PDE4D: variants seen among roughly 807,000 people sequenced by gnomAD.
PDE4D encodes phosphodiesterase 4D.
Under a neutral mutation model 87.4 loss-of-function variants are expected in PDE4D, and 24 were observed. The ratio of observed to expected loss-of-function variants is 0.27; its 90% CI spans 0.20 to 0.39. The LOEUF (loss-of-function observed/expected upper bound fraction) is 0.39. Among genes scored for constraint, PDE4D ranks in the 10% least tolerant of loss-of-function variants. The pLI is 1.00. For synonymous variants in PDE4D, 384 were observed against 383.2 expected (o/e 1.00, Z -0.02); for missense variants, 714 against 1,041.0 (o/e 0.69, Z 4.32).
At chr5:60,091,322 G>A (rs1000608891) in intron 2 of PDE4D, among the ~76,000 whole-genome samples, 3 of 152,024 alleles carry the variant, frequency 2.0e-5, no homozygotes, top group African/African-American at 7.2e-5. Flanking sequence ...AGCAGAGAAG[G>A]ATATGAATAG....
intron 2 of PDE4D, among the ~76,000 whole-genome samples, chr5:60,173,829 G>T (rs1178724725): frequency 3.3e-5 from 5 of 152,030 alleles, no homozygotes; most frequent in South Asian, 4.1e-4. Context: ...CAGGGCATTG[G>T]TGGAAAGGGA....
chr5:59,592,482 G>C (rs1204981776), intron 1 of PDE4D, among the ~76,000 whole-genome samples: 2 of 152,006 alleles, frequency 1.3e-5, no homozygotes, highest in Admixed American at 6.6e-5. Context: ...TAAACACCTA[G>C]TTTCATCACC....
intron 1 of PDE4D, among the ~76,000 whole-genome samples, chr5:59,465,139 A>C (rs1428917170): frequency 6.6e-6 from 1 of 152,144 alleles, no homozygotes; most frequent in Non-Finnish European, 1.5e-5. Context: ...CCTCATCTCA[A>C]GTTACTGGCT....
intron 5 of PDE4D, among the ~76,000 whole-genome samples, chr5:59,083,985 GT>G: frequency 6.6e-6 from 1 of 151,966 alleles, no homozygotes; most frequent in South Asian, 2.1e-4. Flanking sequence ...ATCTTAATGG[GT>G]TTTTTTGGGG....
intron 5 of PDE4D, among the ~76,000 whole-genome samples, chr5:59,136,992 C>A (rs1021645957): frequency 6.6e-6 from 1 of 152,178 alleles, no homozygotes; most frequent in Non-Finnish European, 1.5e-5. Context: ...CCCAGGAAAT[C>A]CCTCAGTGCC....
intron 1 of PDE4D, among the ~76,000 whole-genome samples, chr5:59,340,090 C>T (rs1404405010): frequency 1.3e-5 from 2 of 152,138 alleles, no homozygotes; most frequent in African/African-American, 4.8e-5. Flanking sequence ...TTGATGAGCA[C>T]TTTTGCATTG....
chr5:60,151,694 T>C (rs1158397505), intron 2 of PDE4D, among the ~76,000 whole-genome samples: 2 of 152,192 alleles, frequency 1.3e-5, no homozygotes, highest in African/African-American at 2.4e-5. Flanking sequence ...CCAAGAGAAA[T>C]AGTTTTACTT....
chr5:59,516,853 A>G (rs1030289854), intron 1 of PDE4D, among the ~76,000 whole-genome samples: 3 of 152,170 alleles, frequency 2.0e-5, no homozygotes, highest in African/African-American at 7.2e-5. Context: ...AAAAAACACG[A>G]GAGCTTTTAT....
chr5:59,031,707 CAAA>C (rs70973183), intron 6 of PDE4D, among the ~76,000 whole-genome samples: 60 of 16,646 alleles, frequency 3.6e-3, no homozygotes, highest in African/African-American at 0.016. Flanking sequence ...GACTCCACCT[CAAA>C]AAAAAAAAAA....
chr5:59,665,303 A>G (rs987848987), intron 1 of PDE4D, among the ~76,000 whole-genome samples: 2 of 152,222 alleles, frequency 1.3e-5, no homozygotes, highest in Admixed American at 6.5e-5. Flanking sequence ...TTGCTGGAGT[A>G]AGGTTACAAT....
chr5:59,278,846 C>T (rs1765305942), intron 1 of PDE4D, among the ~76,000 whole-genome samples: 1 of 152,108 alleles, frequency 6.6e-6, no homozygotes, highest in Non-Finnish European at 1.5e-5. Flanking sequence ...CTTGGCAACA[C>T]TTACATGGAA....
intron 1 of PDE4D, among the ~76,000 whole-genome samples, chr5:60,276,524 T>C (rs1406583248): frequency 2.6e-5 from 4 of 152,170 alleles, no homozygotes; most frequent in African/African-American, 4.8e-5. Flanking sequence ...AGCCATACTT[T>C]AGCATTCACA....
rs1752916491 is a variant in PDE4D, at chr5:59,703,517, G to T, written c.455+189651C>A. 5.7e-6 allele frequency: 3 copies of T among 529,430 alleles called. No homozygotes were observed. In the Admixed American group the frequency reaches 5.9e-5, roughly 10 times the overall value. The allele number at this position is 529,430 out of a possible 1,614,324, so 32.8% of individuals were successfully genotyped here. Reference sequence around the variant, plus strand: ...TGATGATAATTCAAAAAGGCACCATGTAGCTTGTACTTGAGAAGGAATTTT... The same window carrying T: ...TGATGATAATTCAAAAAGGCACCATTTAGCTTGTACTTGAGAAGGAATTTT... On this transcript the variant is annotated intron_variant, in intron 1 of 14. Transcript: ENST00000340635.
chr5:59,334,913 T>C (rs1351116018), intron 1 of PDE4D, among the ~76,000 whole-genome samples: 1 of 152,116 alleles, frequency 6.6e-6, no homozygotes, highest in Non-Finnish European at 1.5e-5. Flanking sequence ...TACTGGTACA[T>C]ATGTTTTTCC....
At chr5:59,681,759 C>T (rs543374000) in intron 1 of PDE4D, among the ~76,000 whole-genome samples, 107 of 151,856 alleles carry the variant, frequency 7.0e-4, no homozygotes, top group Non-Finnish European at 1.4e-3. Flanking sequence ...AAAAATTAGC[C>T]GGGCGTGGTG....
At chr5:59,379,694 G>C (rs168641) in intron 1 of PDE4D, among the ~76,000 whole-genome samples, 39,826 of 151,868 alleles carry the variant, frequency 0.26, 5,705 homozygotes, top group East Asian at 0.39. Flanking sequence ...GAAATACATA[G>C]AATATACCTA....
intron 5 of PDE4D, among the ~76,000 whole-genome samples, chr5:59,056,510 G>T (rs557092453): frequency 1.3e-5 from 2 of 152,124 alleles, no homozygotes; most frequent in African/African-American, 4.8e-5. Flanking sequence ...GTATACATGT[G>T]CTATGGTGGT....
intron 2 of PDE4D, among the ~76,000 whole-genome samples, chr5:59,998,675 C>T (rs1439908027): frequency 6.6e-6 from 1 of 151,696 alleles, no homozygotes; most frequent in African/African-American, 2.4e-5. Context: ...GGAATTAGGC[C>T]ATGTTATAAA....
chr5:60,045,408 T>A (rs1445900317), intron 2 of PDE4D, among the ~76,000 whole-genome samples: 3 of 152,192 alleles, frequency 2.0e-5, no homozygotes, highest in Non-Finnish European at 4.4e-5. Flanking sequence ...TGCCATGGCT[T>A]TTGGTGTTTT....
Sources: gnomAD v4.1 joint callset for allele counts (sites outside exome capture counted in the v4.1 genomes callset) on GRCh38, gnomAD v4.1.1 for gene constraint, MANE v1.5 for transcripts, NCBI Gene and HGNC (gene_info 2026-07-23, HGNC 2026-07-21) for gene names.